The following DCBLD2 variants were observed in gnomAD, a reference collection of about 807,000 sequenced individuals.
The protein encoded by DCBLD2 is discoidin, CUB and LCCL domain-containing protein 2.
A neutral mutation model predicts 86.8 loss-of-function variants in DCBLD2; 54 were observed. The ratio of observed to expected loss-of-function variants is 0.62; its 90% CI spans 0.50 to 0.78. The LOEUF is 0.78. Among genes scored for constraint, DCBLD2 ranks in the 30% least tolerant of loss-of-function variants. The pLI is 0.00. For synonymous variants in DCBLD2, 354 were observed against 341.3 expected (o/e 1.04, Z -0.41); for missense variants, 908 against 954.2 (o/e 0.95, Z 0.64).
chr3:98,811,670 TA>T, intron 10 of DCBLD2, 116 bp from the exon 11 acceptor site: 1 of 982,908 alleles, frequency 1.0e-6, no homozygotes, highest in South Asian at 2.0e-5. Flanking sequence ...AGAATAATTT[TA>T]ACTCTCAGAG....
At chr3:98,861,060 G>A (rs909068124) in intron 2 of DCBLD2, among the ~76,000 whole-genome samples, 1 of 152,112 alleles carries the variant, frequency 6.6e-6, no homozygotes, top group South Asian at 2.1e-4. Flanking sequence ...ACACAAAAAG[G>A]CAGGGGTTGC....
intron 2 of DCBLD2, among the ~76,000 whole-genome samples, chr3:98,855,495 A>T (rs533131194): frequency 5.3e-5 from 8 of 152,360 alleles, no homozygotes; most frequent in African/African-American, 1.9e-4. Context: ...TCTTCAACAT[A>T]AAAAAGTGTC....
At chr3:98,844,073 G>A (rs1166283186) in intron 3 of DCBLD2, among the ~76,000 whole-genome samples, 1 of 83,356 alleles carries the variant, frequency 1.2e-5, no homozygotes, top group African/African-American at 3.7e-5. Context: ...CCCCAATTAT[G>A]GTACATATGA....
intron 2 of DCBLD2, among the ~76,000 whole-genome samples, chr3:98,857,460 G>C (rs1326135006): frequency 7.3e-6 from 1 of 136,838 alleles, no homozygotes; most frequent in African/African-American, 2.8e-5. Flanking sequence ...ATTTTACAGA[G>C]AGCCGACTGG....
chr3:98,844,343 TTTA>T (rs10530611), intron 3 of DCBLD2, among the ~76,000 whole-genome samples: 20 of 145,906 alleles, frequency 1.4e-4, no homozygotes, highest in South Asian at 1.1e-3. Context: ...GTCAGTAGCA[TTTA>T]TTATTATTAT....
At chr3:98,858,320 C>T (rs977987080) in intron 2 of DCBLD2, among the ~76,000 whole-genome samples, 2 of 152,246 alleles carry the variant, frequency 1.3e-5, no homozygotes, top group African/African-American at 2.4e-5. Context: ...CACACCTACC[C>T]GCAAGCTGAG....
rs1202181542 is a variant in DCBLD2, at chr3:98,803,511, C to T, written c.1671-1862G>A. On this transcript the variant is annotated intron_variant, in intron 13 of 15. Coordinates refer to ENST00000326840, the MANE Select transcript of DCBLD2 (RefSeq NM_080927.4). ...GCAAACAGGGAAAATTTGACTTCCT[C>T]TTTTCCTAATTGAATACCCTTTATT... 2.6e-5 allele frequency among the ~76,000 whole-genome samples: 4 copies of T among 152,188 alleles called. No homozygotes were observed. The East Asian group carries it at 7.7e-4, about 29-fold the overall frequency.
chr3:98,853,603 C>T (rs1942878369), intron 2 of DCBLD2, among the ~76,000 whole-genome samples: 1 of 152,208 alleles, frequency 6.6e-6, no homozygotes, highest in Admixed American at 6.5e-5. Flanking sequence ...GTCACCATGC[C>T]TCTTCTGATG....
intron 3 of DCBLD2, among the ~76,000 whole-genome samples, chr3:98,828,540 T>TA (rs576822067): frequency 1.3e-4 from 20 of 151,842 alleles, no homozygotes; most frequent in Non-Finnish European, 2.8e-4. Context: ...ATGGCGAAAA[T>TA]AAAAAAGACA....
intron 2 of DCBLD2, among the ~76,000 whole-genome samples, chr3:98,859,826 C>A (rs143321878): frequency 4.6e-5 from 7 of 152,206 alleles, no homozygotes; most frequent in Admixed American, 6.5e-5. Flanking sequence ...CCTCTCCCCC[C>A]ACAAAGGAAC....
rs183170472 is a variant in DCBLD2, at chr3:98,808,504, T to C, written c.1577-330A>G. 7.9e-5 allele frequency among the ~76,000 whole-genome samples: 12 copies of C among 152,302 alleles called. 1 individual carries two copies. The East Asian group carries it at 2.3e-3, about 29-fold the overall frequency. ...AGAGTTACTTTAAATAATTATTATA[T>C]TGTAGGGCATTACAAGCCAAATCCA... On this transcript the variant is annotated intron_variant, in intron 12 of 15. Coordinates refer to ENST00000326840, the MANE Select transcript of DCBLD2 (RefSeq NM_080927.4).
At chr3:98,817,985 T>G in intron 8 of DCBLD2, 92 bp from the exon 9 acceptor site, 1 of 1,440,658 alleles carries the variant, frequency 6.9e-7, no homozygotes, top group Non-Finnish European at 9.4e-7. Context: ...AATGCACAGC[T>G]CGAACATTTC....
chr3:98,822,775 T>C (rs746001327), intron 4 of DCBLD2, 34 bp from the exon 5 acceptor site: 8 of 1,538,786 alleles, frequency 5.2e-6, no homozygotes, highest in Non-Finnish European at 7.0e-6. Context: ...GGTTACATAA[T>C]GCTGTATTTT....
intron 2 of DCBLD2, among the ~76,000 whole-genome samples, chr3:98,860,922 AGACT>A (rs1943030143): frequency 1.3e-5 from 2 of 152,376 alleles, no homozygotes; most frequent in East Asian, 3.9e-4. Flanking sequence ...TAAAAGACAT[AGACT>A]GGCAAATTGG....
intron 3 of DCBLD2, among the ~76,000 whole-genome samples, chr3:98,827,354 T>C (rs1185636933): frequency 6.6e-6 from 1 of 152,186 alleles, no homozygotes; most frequent in Non-Finnish European, 1.5e-5. Context: ...CTAAGATTAA[T>C]AGCCTGGGAT....
intron 10 of DCBLD2, 40 bp from the exon 11 acceptor site, chr3:98,811,594 T>A: frequency 6.6e-7 from 1 of 1,508,556 alleles, no homozygotes; most frequent in South Asian, 1.3e-5. Context: ...ATTTTGTTTT[T>A]AAAAATCATA....
intron 3 of DCBLD2, among the ~76,000 whole-genome samples, chr3:98,847,213 CAGTACACATGTTTTTATT>C (rs1419395915): frequency 7.7e-6 from 1 of 130,158 alleles, no homozygotes; most frequent in South Asian, 2.5e-4. Context: ...AGCCTACAAA[CAGTACACATGTTTTTATT>C]AGATTCAGTC....
chr3:98,809,649 G>T (rs1941902499), intron 12 of DCBLD2, among the ~76,000 whole-genome samples: 1 of 152,096 alleles, frequency 6.6e-6, no homozygotes, highest in Non-Finnish European at 1.5e-5. Flanking sequence ...AAAATAAGGG[G>T]AATATGTAAA....
At chr3:98,803,819 T>C (rs545892239) in intron 13 of DCBLD2, among the ~76,000 whole-genome samples, 1 of 152,340 alleles carries the variant, frequency 6.6e-6, no homozygotes, top group African/African-American at 2.4e-5. Flanking sequence ...GTGTTTGTCT[T>C]TGGTTCTGTT....
Sources: gnomAD v4.1 joint callset for allele counts (sites outside exome capture counted in the v4.1 genomes callset) on GRCh38, gnomAD v4.1.1 for gene constraint, MANE v1.5 for transcripts, NCBI Gene and HGNC (gene_info 2026-07-23, HGNC 2026-07-21) for gene names.